The following MOB3B variants were observed in gnomAD, a reference collection of about 807,000 sequenced individuals.
MOB3B encodes MOB kinase activator 3B, also known as MOB kinase activator-like 2B.
A neutral mutation model predicts 18.7 loss-of-function variants in MOB3B; 7 were observed. That is an observed-to-expected ratio of 0.37 (90% CI 0.21 to 0.70). The LOEUF (loss-of-function observed/expected upper bound fraction) is 0.70, where lower values mean the gene tolerates loss of function less well. Ranked by LOEUF, MOB3B falls within the 30% of genes least tolerant of loss-of-function variation. The pLI, the probability that MOB3B is intolerant of heterozygous loss-of-function variation, is 0.52. For missense variants in MOB3B, 253 were observed against 281.3 expected (o/e 0.90, Z 0.72); for synonymous variants, 111 against 99.9 (o/e 1.11, Z -0.66).
intron 2 of MOB3B, among the ~76,000 whole-genome samples, chr9:27,431,590 A>G (rs1025858085): frequency 6.6e-6 from 1 of 152,202 alleles, no homozygotes; most frequent in Admixed American, 6.5e-5. Context: ...CCTTGAGACC[A>G]AGGTACAACA....
chr9:27,385,168 A>C (rs1279378605), intron 2 of MOB3B, among the ~76,000 whole-genome samples: 2 of 152,174 alleles, frequency 1.3e-5, no homozygotes, highest in East Asian at 1.9e-4. Context: ...TTGCCTGAAC[A>C]TGTTTTCTTG....
At chr9:27,523,238 A>C (rs1820368146) in intron 1 of MOB3B, among the ~76,000 whole-genome samples, 1 of 152,172 alleles carries the variant, frequency 6.6e-6, no homozygotes. Flanking sequence ...TATTTGGTCA[A>C]ACAAAGTAAA....
chr9:27,470,197 C>A (rs1323225298), intron 1 of MOB3B, among the ~76,000 whole-genome samples: 1 of 151,128 alleles, frequency 6.6e-6, no homozygotes, highest in African/African-American at 2.4e-5. Context: ...AGATATTATT[C>A]ATATTCCTGG....
chr9:27,386,947 A>C (rs1554646746), intron 2 of MOB3B, among the ~76,000 whole-genome samples: 3 of 152,236 alleles, frequency 2.0e-5, no homozygotes, highest in African/African-American at 7.2e-5. Context: ...AGCTGCCTGC[A>C]GTTGCCACAG....
rs1587197676 is a variant in MOB3B at position 27,417,828 on chromosome 9, C to T, written c.418+37305G>A. Among the ~76,000 whole-genome samples, 3 of 151,934 alleles carry T rather than the reference C, an allele frequency of 2.0e-5. No homozygotes were observed. In the South Asian group the frequency reaches 6.2e-4, roughly 32 times the overall value. ...CTGTAATCCCAGCACTTTGGGAGGTCGGGGCCGGTGGATCACAAGGCCAAG... is the reference window on the plus strand; with the variant it reads ...CTGTAATCCCAGCACTTTGGGAGGTTGGGGCCGGTGGATCACAAGGCCAAG... On this transcript the variant is annotated intron_variant, in intron 2 of 3. Coordinates refer to ENST00000262244, the MANE Select transcript of MOB3B (RefSeq NM_024761.5).
rs771295786 is a variant in MOB3B, at chr9:27,455,404, C to A, written c.147G>T (p.Gln49His). 4 of 1,614,236 alleles carry A rather than the reference C, an allele frequency of 2.5e-6. No homozygotes were observed. The South Asian group carries it at 4.4e-5, about 18-fold the overall frequency. Reference sequence around the variant, plus strand: ...CATTCTGGTCCTCCCCACTGGGCAACTGCACAGCCGCCTTCAGGTCCACAC... The same window carrying A: ...CATTCTGGTCCTCCCCACTGGGCAAATGCACAGCCGCCTTCAGGTCCACAC... ...NSGVDLKAAV[Q>H]LPSGEDQNDW... is the part of the protein sequence containing the mutation. Residue 49 changes from glutamine to histidine, a missense_variant, in exon 2 of 4, where the codon CAG (glutamine) becomes CAT (histidine). By Grantham distance (24) the Gln-to-His change is conservative (BLOSUM62 0). Transcript: ENST00000262244.
chr9:27,495,059 G>A (rs1231473947), intron 1 of MOB3B, among the ~76,000 whole-genome samples: 1 of 152,172 alleles, frequency 6.6e-6, no homozygotes, highest in Non-Finnish European at 1.5e-5. Context: ...GCCAGGCAAG[G>A]TGGCTCACAG....
At chr9:27,513,457 C>A (rs1371124001) in intron 1 of MOB3B, among the ~76,000 whole-genome samples, 1 of 152,166 alleles carries the variant, frequency 6.6e-6, no homozygotes, top group Non-Finnish European at 1.5e-5. Context: ...CTCTTTCATA[C>A]GTTTTAACTG....
chr9:27,359,288 T>A, intron 2 of MOB3B, 52 bp from the exon 3 acceptor site: 1 of 1,506,698 alleles, frequency 6.6e-7, no homozygotes, highest in Non-Finnish European at 9.2e-7. Context: ...ATAGATCCTT[T>A]TCCTCTTTCC....
Position 27,425,318 on chromosome 9 carries a change from T to G in MOB3B, c.418+29815A>C, listed in dbSNP as rs1162449214. Among the ~76,000 whole-genome samples the G allele has an allele frequency of 3.4e-5, 5 of 148,532 alleles. No homozygotes were observed. The East Asian group carries it at 1.0e-3, about 30-fold the overall frequency. On this transcript the variant is annotated intron_variant, in intron 2 of 3. Coordinates refer to ENST00000262244, the MANE Select transcript of MOB3B (RefSeq NM_024761.5). ...TGAACCCAGGAGGCGGAGGTTGCGG[T>G]GAGCCGAGAGCGCGCCATTGCACTC... is the stretch of plus-strand genomic sequence containing the variant.
intron 2 of MOB3B, among the ~76,000 whole-genome samples, chr9:27,444,183 GAAAGAAAGAAAGAAAGAA>G (rs1462764271): frequency 2.8e-5 from 4 of 142,136 alleles, no homozygotes; most frequent in South Asian, 4.7e-4. Flanking sequence ...AAGAAGGAAG[GAAAGAAAGAAAGAAAGAA>G]AAAGAAAGAA....
At position 27,365,365 on chromosome 9, in the gene MOB3B, T is replaced by TC. The variant is rs71853913; in HGVS notation, c.419-6130_419-6129insG. Among the ~76,000 whole-genome samples, 6 of 28,112 alleles carry TC rather than the reference T, an allele frequency of 2.1e-4. No individual in the cohort carries two copies. The South Asian group carries it at 2.7e-3, about 13-fold the overall frequency. The allele number at this position is 28,112 out of a possible 152,430, so 18.4% of individuals were successfully genotyped here. A position where few individuals can be genotyped will look rare whatever the true frequency, so the allele number is the denominator to read the frequency against. On this transcript the variant is annotated intron_variant, in intron 2 of 3. Transcript: ENST00000262244. ...TATCATTGAAATCTTCCTTCTTCTC[T>TC]TTTTTTTTTTTTTTTTTTCAGGTAG...
At chr9:27,424,162 A>G (rs1488583143) in intron 2 of MOB3B, among the ~76,000 whole-genome samples, 6 of 151,662 alleles carry the variant, frequency 4.0e-5, no homozygotes, top group Non-Finnish European at 7.3e-5. Flanking sequence ...GACATCCCCT[A>G]TGCTTAGGTA....
At chr9:27,341,987 A>G (rs1820949143) in intron 3 of MOB3B, among the ~76,000 whole-genome samples, 1 of 152,054 alleles carries the variant, frequency 6.6e-6, no homozygotes, top group Non-Finnish European at 1.5e-5. Context: ...TTGAAAAAAG[A>G]AAGAATATTT....
intron 2 of MOB3B, among the ~76,000 whole-genome samples, chr9:27,407,045 G>A (rs1821992062): frequency 6.6e-6 from 1 of 151,972 alleles, no homozygotes; most frequent in South Asian, 2.1e-4. Flanking sequence ...CACCATGTTG[G>A]CCAGGTTGGT....
intron 2 of MOB3B, among the ~76,000 whole-genome samples, chr9:27,419,914 AG>A (rs1822213702): frequency 6.6e-6 from 1 of 152,140 alleles, no homozygotes; most frequent in South Asian, 2.1e-4. Flanking sequence ...ATCTGACAAA[AG>A]ACCAATATCC....
intron 1 of MOB3B, among the ~76,000 whole-genome samples, chr9:27,509,558 AG>A (rs1413160843): frequency 6.6e-6 from 1 of 151,862 alleles, no homozygotes; most frequent in Non-Finnish European, 1.5e-5. Context: ...CTGGAATTAC[AG>A]GCATGCACCA....
At chr9:27,500,083 A>G (rs925895200) in intron 1 of MOB3B, among the ~76,000 whole-genome samples, 3 of 152,182 alleles carry the variant, frequency 2.0e-5, no homozygotes, top group African/African-American at 7.2e-5. Context: ...AGAACTATCA[A>G]TAACTTATAA....
chr9:27,465,269 T>G (rs907063494), intron 1 of MOB3B, among the ~76,000 whole-genome samples: 1 of 152,164 alleles, frequency 6.6e-6, no homozygotes, highest in Admixed American at 6.5e-5. Flanking sequence ...ACAGGGCCCA[T>G]GCAAGTCCGA....
Sources: gnomAD v4.1 joint callset for allele counts (sites outside exome capture counted in the v4.1 genomes callset) on GRCh38, gnomAD v4.1.1 for gene constraint, MANE v1.5 for transcripts, NCBI Gene and HGNC (gene_info 2026-07-23, HGNC 2026-07-21) for gene names.